Variants in SCFD2 observed in about 807,000 individuals in gnomAD.
SCFD2 encodes the protein sec1 family domain containing 2.
A neutral mutation model predicts 58.9 loss-of-function variants in SCFD2; 54 were observed. The ratio of observed to expected loss-of-function variants is 0.92; its 90% CI spans 0.74 to 1.15. SCFD2 has a LOEUF of 1.15. Among genes scored for constraint, SCFD2 ranks in the 50% most tolerant of loss-of-function variants. The pLI, the probability that SCFD2 is intolerant of heterozygous loss-of-function variation, is 0.00. For missense variants in SCFD2, 805 were observed against 836.6 expected, an observed-to-expected ratio of 0.96 and a Z score of 0.47; for synonymous variants, 321 against 335.9, an observed-to-expected ratio of 0.96 and a Z score of 0.49.
chr4:53,082,226 G>A lies in SCFD2; in HGVS notation c.1561+63107C>T, dbSNP rs544751337. ...AGGTATAGGAGTGGAATTGCTGGGC[G>A]TATGGCAACTCTTATGTTCAACTTT... On this transcript the variant is annotated intron_variant, in intron 5 of 8. Transcript: ENST00000401642. Among the ~76,000 whole-genome samples, 17 of 152,166 alleles carry A rather than the reference G, an allele frequency of 1.1e-4. No individual in the cohort carries two copies. In the South Asian group the frequency reaches 1.7e-3, roughly 15 times the overall value.
intron 4 of SCFD2, among the ~76,000 whole-genome samples, chr4:53,163,766 A>T (rs1299350359): frequency 6.6e-6 from 1 of 152,132 alleles, no homozygotes; most frequent in Non-Finnish European, 1.5e-5. Flanking sequence ...GAGAAGAGAG[A>T]ACCAAAGAGG....
intron 5 of SCFD2, among the ~76,000 whole-genome samples, chr4:52,962,202 C>A (rs989077908): frequency 2.0e-5 from 3 of 152,164 alleles, no homozygotes; most frequent in Non-Finnish European, 4.4e-5. Context: ...CCAGCCAATT[C>A]TATGGCTCTC....
intron 4 of SCFD2, among the ~76,000 whole-genome samples, chr4:53,267,755 CT>C (rs79928733): frequency 0.024 from 3,596 of 152,198 alleles, 96 homozygotes; most frequent in East Asian, 0.14. Context: ...GTTCCTCAGT[CT>C]TTCAATTCTT....
At chr4:53,125,757 G>A (rs1186886026) in intron 5 of SCFD2, among the ~76,000 whole-genome samples, 3 of 152,320 alleles carry the variant, frequency 2.0e-5, no homozygotes, top group Non-Finnish European at 4.4e-5. Flanking sequence ...CCAATAGGAT[G>A]CTGTAACTTA....
At chr4:53,224,437 C>T (rs909966268) in intron 4 of SCFD2, among the ~76,000 whole-genome samples, 49 of 150,670 alleles carry the variant, frequency 3.3e-4, no homozygotes. Flanking sequence ...TCCCGCAGAA[C>T]AATTTCTCTG....
intron 7 of SCFD2, among the ~76,000 whole-genome samples, chr4:52,906,666 G>C (rs1266032196): frequency 1.3e-5 from 2 of 152,188 alleles, no homozygotes; most frequent in Non-Finnish European, 1.5e-5. Context: ...CTGGGTTTTG[G>C]AGTGGAACAG....
intron 3 of SCFD2, among the ~76,000 whole-genome samples, chr4:53,302,038 G>T (rs544584029): frequency 4.6e-5 from 7 of 152,106 alleles, no homozygotes; most frequent in African/African-American, 1.7e-4. Context: ...TTGAAAACGG[G>T]CACAAGACAG....
chr4:53,089,899 C>T (rs192666111), intron 5 of SCFD2, among the ~76,000 whole-genome samples: 2 of 152,234 alleles, frequency 1.3e-5, no homozygotes, highest in African/African-American at 4.8e-5. Context: ...AAACATATTT[C>T]CCCTGCAGCA....
intron 5 of SCFD2, among the ~76,000 whole-genome samples, chr4:53,077,716 G>A (rs1724019673): frequency 6.6e-6 from 1 of 152,112 alleles, no homozygotes; most frequent in South Asian, 2.1e-4. Context: ...AGGATTACAG[G>A]CATGAGCCAC....
intron 5 of SCFD2, among the ~76,000 whole-genome samples, chr4:53,127,236 T>C (rs1476771584): frequency 6.6e-6 from 1 of 152,230 alleles, no homozygotes; most frequent in Non-Finnish European, 1.5e-5. Context: ...TCCTTTGATG[T>C]TCCAATTCCT....
intron 7 of SCFD2, among the ~76,000 whole-genome samples, chr4:52,886,502 T>A (rs1023741457): frequency 2.6e-5 from 4 of 152,330 alleles, no homozygotes; most frequent in African/African-American, 9.6e-5. Flanking sequence ...AGCTGGGGCA[T>A]GCCTGCCTAG....
intron 5 of SCFD2, among the ~76,000 whole-genome samples, chr4:53,062,010 T>C (rs1265450615): frequency 6.6e-6 from 1 of 151,990 alleles, no homozygotes; most frequent in African/African-American, 2.4e-5. Context: ...GGTAACAAGA[T>C]GCTATTAGGT....
intron 5 of SCFD2, among the ~76,000 whole-genome samples, chr4:53,023,343 G>A (rs902980597): frequency 2.0e-5 from 3 of 152,028 alleles, no homozygotes; most frequent in Admixed American, 6.6e-5. Flanking sequence ...TGGAAAACTT[G>A]GATATCAGTT....
chr4:53,154,946 G>C (rs1338495006), intron 4 of SCFD2, among the ~76,000 whole-genome samples: 1 of 152,232 alleles, frequency 6.6e-6, no homozygotes, highest in Admixed American at 6.5e-5. Flanking sequence ...AAGCTGGAAA[G>C]AGCAAGGAAA....
At chr4:53,216,131 C>A (rs955674005) in intron 4 of SCFD2, among the ~76,000 whole-genome samples, 1 of 151,958 alleles carries the variant, frequency 6.6e-6, no homozygotes. Context: ...TCTCTGCCAG[C>A]CTTTGGTGTC....
chr4:53,220,504 T>A (rs1729016950), intron 4 of SCFD2, among the ~76,000 whole-genome samples: 1 of 152,234 alleles, frequency 6.6e-6, no homozygotes, highest in Admixed American at 6.5e-5. Context: ...GTAATTTCTG[T>A]GTGTCTATGT....
intron 3 of SCFD2, among the ~76,000 whole-genome samples, chr4:53,286,871 G>A (rs1255096631): frequency 1.3e-5 from 2 of 152,060 alleles, no homozygotes; most frequent in African/African-American, 2.4e-5. Flanking sequence ...TGGCCTCACA[G>A]AGCCGATGTC....
Position 53,365,603 on chromosome 4 carries a change from G to A in SCFD2, c.339C>T (p.Leu113=), listed in dbSNP as rs770792741. The change falls in exon 1 of 9, where the codon CTC becomes CTT. Residue 113 remains leucine, a synonymous_variant. Transcript: ENST00000401642. The surrounding 1 kb of genome is among the most constrained non-coding windows in gnomAD (Gnocchi z 4.3). The part of the protein sequence containing the change: ...VVTTVSHAVH[L]TANHVPAAAA... ...CCGCCGCTGGGACATGATTAGCTGT[G>A]AGGTGGACAGCGTGGCTCACGGTTG... The A allele has an allele frequency of 1.2e-6, 2 of 1,614,122 alleles. No individual in the cohort carries two copies. Among genetic ancestry groups the A allele is most frequent in the African/African-American group, 2.7e-5 (2 of 74,952 alleles).
chr4:53,123,823 C>G (rs1725551303), intron 5 of SCFD2, among the ~76,000 whole-genome samples: 1 of 152,222 alleles, frequency 6.6e-6, no homozygotes, highest in Non-Finnish European at 1.5e-5. Context: ...GATCTTCAGA[C>G]AGGCCTCCTC....
Sources: gnomAD v4.1 joint callset for allele counts (sites outside exome capture counted in the v4.1 genomes callset) on GRCh38, gnomAD v4.1.1 for gene constraint, Gnocchi (gnomAD v3.1) non-coding constraint, MANE v1.5 for transcripts, NCBI Gene and HGNC (gene_info 2026-07-23, HGNC 2026-07-21) for gene names.